CENPP: variants seen among roughly 807,000 people sequenced by gnomAD.
The protein encoded by CENPP is centromere protein P.
In CENPP, 24 loss-of-function variants were observed where a neutral mutation model predicts 35.6. The observed-to-expected ratio is 0.67, with a 90% confidence interval of 0.49 to 0.95. The LOEUF is 0.95. Among genes scored for constraint, CENPP ranks in the 40% least tolerant of loss-of-function variants. CENPP has a pLI of 0.00. For synonymous variants in CENPP, 120 were observed against 125.5 expected, an observed-to-expected ratio of 0.96 and a Z score of 0.29; for missense variants, 332 against 345.3, an observed-to-expected ratio of 0.96 and a Z score of 0.31.
At chr9:92,583,127 C>T (rs1850467967) in intron 5 of CENPP, among the ~76,000 whole-genome samples, 2 of 152,104 alleles carry the variant, frequency 1.3e-5, no homozygotes, top group South Asian at 2.1e-4. Context: ...CTGATTGGGT[C>T]GTCTTGGGTC....
intron 5 of CENPP, among the ~76,000 whole-genome samples, chr9:92,591,246 C>T (rs931843799): frequency 6.6e-6 from 1 of 151,886 alleles, no homozygotes; most frequent in Non-Finnish European, 1.5e-5. Context: ...GGTGAAACCC[C>T]GCCTCTACTA....
At chr9:92,551,989 A>ATG (rs1370250586) in intron 5 of CENPP, among the ~76,000 whole-genome samples, 5 of 125,838 alleles carry the variant, frequency 4.0e-5, no homozygotes, top group Non-Finnish European at 8.5e-5. Flanking sequence ...GTGTGTATAT[A>ATG]TGTGATATAT....
intron 4 of CENPP, among the ~76,000 whole-genome samples, chr9:92,377,773 C>T (rs1314267965): frequency 6.6e-6 from 1 of 152,140 alleles, no homozygotes; most frequent in African/African-American, 2.4e-5. Context: ...GTTCAATATC[C>T]TATTGTGGTC....
chr9:92,389,800 T>C, intron 5 of CENPP: 1 of 1,205,112 alleles, frequency 8.3e-7, no homozygotes. Context: ...AGTTTCTCTT[T>C]TATCTATCAT....
chr9:92,585,734 C>T (rs893061175), intron 5 of CENPP, among the ~76,000 whole-genome samples: 7 of 152,130 alleles, frequency 4.6e-5, no homozygotes, highest in Non-Finnish European at 1.0e-4. Context: ...ACACTTGCAA[C>T]GACTGGGCAA....
chr9:92,590,983 C>T (rs1264771121), intron 5 of CENPP, among the ~76,000 whole-genome samples: 1 of 151,994 alleles, frequency 6.6e-6, no homozygotes, highest in Non-Finnish European at 1.5e-5. Flanking sequence ...AATAAATGAG[C>T]CAAAAGGGAG....
chr9:92,375,809 C>T lies in CENPP; in HGVS notation c.468-3954C>T, dbSNP rs572296885. On this transcript the variant is annotated intron_variant, in intron 4 of 7. Transcript: ENST00000375587. The stretch of plus-strand genomic sequence containing the variant: ...AAGACAGTTGATTTAAAATCATAGC[C>T]TAGTAATTCCCCTAGTCATTCAACA... Among the ~76,000 whole-genome samples the T allele has an allele frequency of 5.3e-5, 8 of 150,894 alleles. No homozygotes were observed. In the South Asian group the frequency reaches 1.7e-3, roughly 32 times the overall value.
At chr9:92,505,693 AT>A (rs1425842224) in intron 5 of CENPP, 1 of 1,559,748 alleles carries the variant, frequency 6.4e-7, no homozygotes, top group Non-Finnish European at 8.6e-7. Context: ...ATTTAAGTCT[AT>A]AAAAAATAAA....
At chr9:92,474,739 G>GTCC (rs758191999) in intron 5 of CENPP, 143 of 1,511,088 alleles carry the variant, frequency 9.5e-5, no homozygotes, top group Middle Eastern at 1.8e-4. Flanking sequence ...AAAGAGAGTT[G>GTCC]TCCTCATCAT....
At chr9:92,480,518 G>A (rs970559748) in intron 5 of CENPP, among the ~76,000 whole-genome samples, 2 of 152,210 alleles carry the variant, frequency 1.3e-5, no homozygotes, top group Non-Finnish European at 2.9e-5. Flanking sequence ...CCTAGGTAAG[G>A]AGGTTTGGCC....
chr9:92,536,100 TA>T, intron 5 of CENPP: 1 of 462,842 alleles, frequency 2.2e-6, no homozygotes, highest in Non-Finnish European at 4.2e-6. Flanking sequence ...CCCTTGGGGA[TA>T]AATGCCTTTC....
intron 5 of CENPP, among the ~76,000 whole-genome samples, chr9:92,572,293 A>G (rs1446368590): frequency 1.3e-5 from 2 of 152,136 alleles, no homozygotes; most frequent in African/African-American, 4.8e-5. Context: ...GGCAGTGACA[A>G]AATCTCTCAG....
intron 5 of CENPP, among the ~76,000 whole-genome samples, chr9:92,539,900 G>T (rs1849278126): frequency 6.6e-6 from 1 of 152,108 alleles, no homozygotes; most frequent in South Asian, 2.1e-4. Flanking sequence ...AATAGAATGG[G>T]CTTTTTGAGT....
At chr9:92,459,451 G>A (rs540570182) in intron 5 of CENPP, among the ~76,000 whole-genome samples, 1 of 152,330 alleles carries the variant, frequency 6.6e-6, no homozygotes, top group East Asian at 1.9e-4. Context: ...TTGTGACGTC[G>A]ATGTAGAAAC....
intron 5 of CENPP, among the ~76,000 whole-genome samples, chr9:92,446,812 TA>T (rs34507432): frequency 0.027 from 3,354 of 126,458 alleles, 43 homozygotes; most frequent in Middle Eastern, 0.047. Flanking sequence ...CTCTGTCTCT[TA>T]AAAAAAAAAA....
intron 4 of CENPP, among the ~76,000 whole-genome samples, chr9:92,347,423 A>G (rs1564271256): frequency 6.6e-6 from 1 of 152,182 alleles, no homozygotes; most frequent in Non-Finnish European, 1.5e-5. Context: ...CTGGGTTCCC[A>G]TTTTGTGGAG....
chr9:92,464,417 TTAGTCTTCACAG>T (rs1215326033), intron 5 of CENPP, among the ~76,000 whole-genome samples: 1 of 152,210 alleles, frequency 6.6e-6, no homozygotes, highest in Non-Finnish European at 1.5e-5. Flanking sequence ...TATTGGCCCA[TTAGTCTTCACAG>T]TACACCTGGG....
chr9:92,368,994 C>T (rs1841949849), intron 4 of CENPP, among the ~76,000 whole-genome samples: 2 of 152,106 alleles, frequency 1.3e-5, no homozygotes, highest in Admixed American at 6.5e-5. Context: ...CAGTGAGTTA[C>T]GATCATGCCA....
chr9:92,442,898 AT>A lies in CENPP; in HGVS notation c.564+63044del, dbSNP rs552552218. 3.1e-3 allele frequency among the ~76,000 whole-genome samples: 469 copies of A among 152,130 alleles called. 2 individuals carry two copies. The highest frequency in any genetic ancestry group is 0.011 in the African/African-American group (441 of 41,500). Reference sequence around the variant, plus strand: ...AATTAAATACACCATTATGATGAAAATTTTTAGGAAGGTGACTTAATTTGAT... The same window carrying A: ...AATTAAATACACCATTATGATGAAAATTTTAGGAAGGTGACTTAATTTGAT... On this transcript the variant is annotated intron_variant, in intron 5 of 7. Coordinates refer to ENST00000375587, the MANE Select transcript of CENPP (RefSeq NM_001012267.3).
Sources: allele counts gnomAD v4.1 joint callset (sites outside exome capture counted in the v4.1 genomes callset), GRCh38; gene constraint gnomAD v4.1.1; transcripts MANE v1.5; gene names NCBI Gene and HGNC (gene_info 2026-07-23, HGNC 2026-07-21).